RPTOR: variants seen among roughly 807,000 people sequenced by gnomAD.
RPTOR encodes regulatory-associated protein of mTOR.
RPTOR carries 21 observed loss-of-function variants against 169.9 expected under a neutral mutation model. That is an observed-to-expected ratio of 0.12 (90% CI 0.09 to 0.18). The LOEUF (loss-of-function observed/expected upper bound fraction) is 0.18, where lower values mean the gene tolerates loss of function less well. Ranked by LOEUF, RPTOR falls within the 10% of genes least tolerant of loss-of-function variation. RPTOR has a pLI of 1.00. For missense variants in RPTOR, 1,133 were observed against 1,855.9 expected, an observed-to-expected ratio of 0.61 and a Z score of 7.16; for synonymous variants, 732 against 753.2, an observed-to-expected ratio of 0.97 and a Z score of 0.46.
chr17:80,559,656 A>G (rs2084454882), intron 1 of RPTOR, among the ~76,000 whole-genome samples: 1 of 152,154 alleles, frequency 6.6e-6, no homozygotes, highest in Non-Finnish European at 1.5e-5. Flanking sequence ...TGCTGGAACC[A>G]TGGATGTGTA....
intron 6 of RPTOR, among the ~76,000 whole-genome samples, chr17:80,782,613 C>A (rs962054081): frequency 6.6e-6 from 1 of 152,156 alleles, no homozygotes; most frequent in Non-Finnish European, 1.5e-5. Flanking sequence ...GCCGTTGCCC[C>A]ATAGCTGTTC....
At chr17:80,826,882 G>T (rs541267782) in intron 9 of RPTOR, among the ~76,000 whole-genome samples, 2 of 152,390 alleles carry the variant, frequency 1.3e-5, no homozygotes, top group East Asian at 3.9e-4. Context: ...ACCTTCAACC[G>T]GCAGAAGAAA....
At chr17:80,589,416 T>G (rs1231790558) in intron 1 of RPTOR, among the ~76,000 whole-genome samples, 1 of 152,196 alleles carries the variant, frequency 6.6e-6, no homozygotes, top group East Asian at 1.9e-4. Flanking sequence ...CCTCCAGAGT[T>G]TCTTGACTCC....
intron 3 of RPTOR, among the ~76,000 whole-genome samples, chr17:80,700,656 A>T (rs1567864515): frequency 1.5e-4 from 13 of 88,552 alleles, no homozygotes; most frequent in Middle Eastern, 0.011. Context: ...GTGATGGTAG[A>T]GATGATGGTG....
At chr17:80,596,988 T>C (rs906306623) in intron 1 of RPTOR, among the ~76,000 whole-genome samples, 1 of 152,198 alleles carries the variant, frequency 6.6e-6, no homozygotes, top group Admixed American at 6.5e-5. Context: ...AGGTGTTGAT[T>C]GTGTGCTGAC....
chr17:80,630,750 G>T (rs2143549750), intron 2 of RPTOR, among the ~76,000 whole-genome samples: 1 of 152,352 alleles, frequency 6.6e-6, no homozygotes, highest in Admixed American at 6.5e-5. Flanking sequence ...GTGCATTAGG[G>T]TGGGTACAGG....
chr17:80,793,140 T>C (rs1002228662), intron 7 of RPTOR, among the ~76,000 whole-genome samples: 1 of 152,210 alleles, frequency 6.6e-6, no homozygotes, highest in African/African-American at 2.4e-5. Context: ...TTTTGAGCAC[T>C]GATGTGCTAC....
chr17:80,923,393 TG>T, intron 22 of RPTOR, 96 bp from the exon 23 acceptor site: 1 of 1,381,442 alleles, frequency 7.2e-7, no homozygotes, highest in Non-Finnish European at 1.0e-6. Flanking sequence ...TGGTGGCACC[TG>T]GGAGGGTGCA....
rs1360110604 is a variant in RPTOR at position 80,964,699 on chromosome 17, G to A, written c.*369G>A. ...AGCATTAGCTGCAGAAAAACCCCCC[G>A]ACAGAGCCCTGGCGGAGAGGCAGGC... On this transcript the variant is annotated 3_prime_UTR_variant, in exon 34 of 34. Transcript: ENST00000306801. The A allele has an allele frequency of 1.3e-5, 4 of 298,636 alleles. No individual in the cohort carries two copies. Among genetic ancestry groups the A allele is most frequent in the Non-Finnish European group, 2.6e-5 (4 of 156,830 alleles). The allele number at this position is 298,636 out of a possible 1,614,324, so 18.5% of individuals were successfully genotyped here.
intron 1 of RPTOR, among the ~76,000 whole-genome samples, chr17:80,581,148 TAG>T (rs376780597): frequency 1.2e-4 from 19 of 152,326 alleles, no homozygotes; most frequent in African/African-American, 4.6e-4. Flanking sequence ...GGTACTAATG[TAG>T]ATGAAAGACT....
intron 26 of RPTOR, 79 bp downstream of exon 26, chr17:80,945,860 TC>T (rs2069097118): frequency 3.8e-6 from 3 of 787,906 alleles, no homozygotes; most frequent in East Asian, 6.2e-5. Flanking sequence ...CGATCACCAC[TC>T]CTCTTCCTTG....
At chr17:80,871,500 C>T (rs1246611280) in intron 13 of RPTOR, among the ~76,000 whole-genome samples, 1 of 152,198 alleles carries the variant, frequency 6.6e-6, no homozygotes, top group Non-Finnish European at 1.5e-5. Context: ...GCCTGGGTCC[C>T]TGGCTGAGGT....
chr17:80,567,968 G>A (rs953847491), intron 1 of RPTOR, among the ~76,000 whole-genome samples: 2 of 151,456 alleles, frequency 1.3e-5, no homozygotes, highest in African/African-American at 4.9e-5. Flanking sequence ...GTGCAGTGGT[G>A]TGATCTTGGC....
chr17:80,711,742 G>GTTTTTTTTTTTTT (rs1298623680), intron 4 of RPTOR, among the ~76,000 whole-genome samples: 44 of 51,362 alleles, frequency 8.6e-4, no homozygotes, highest in African/African-American at 1.3e-3. Context: ...TTATACATCA[G>GTTTTTTTTTTTTT]TCTTTTTTTT....
chr17:80,568,408 G>A (rs1336887098), intron 1 of RPTOR, among the ~76,000 whole-genome samples: 2 of 152,102 alleles, frequency 1.3e-5, no homozygotes, highest in South Asian at 2.1e-4. Context: ...TGTTGTCTCA[G>A]GCTTGTCTTG....
At chr17:80,642,822 C>A (rs1003229954) in intron 2 of RPTOR, among the ~76,000 whole-genome samples, 12 of 152,038 alleles carry the variant, frequency 7.9e-5, no homozygotes, top group African/African-American at 2.4e-4. Flanking sequence ...TAGGGGTTTC[C>A]ACATATGCAG....
chr17:80,821,576 C>T (rs1254016384), intron 7 of RPTOR, among the ~76,000 whole-genome samples: 1 of 152,176 alleles, frequency 6.6e-6, no homozygotes, highest in Non-Finnish European at 1.5e-5. Context: ...GCCTCATCCC[C>T]CCGCCCACTC....
At chr17:80,681,313 T>C (rs2065896073) in intron 3 of RPTOR, among the ~76,000 whole-genome samples, 2 of 152,190 alleles carry the variant, frequency 1.3e-5, no homozygotes, top group Non-Finnish European at 2.9e-5. Flanking sequence ...GCCTGAGTTG[T>C]GGAAACACTG....
chr17:80,879,973 T>G (rs1221878488), intron 13 of RPTOR, among the ~76,000 whole-genome samples: 1 of 152,178 alleles, frequency 6.6e-6, no homozygotes, highest in African/African-American at 2.4e-5. Context: ...ACGATTGGTT[T>G]TCAGCATTTT....
Sources: gnomAD v4.1 joint callset for allele counts (sites outside exome capture counted in the v4.1 genomes callset) on GRCh38, gnomAD v4.1.1 for gene constraint, MANE v1.5 for transcripts, NCBI Gene and HGNC (gene_info 2026-07-23, HGNC 2026-07-21) for gene names.